The following MAP3K5 variants were observed in gnomAD, a reference collection of about 807,000 sequenced individuals.
The protein encoded by MAP3K5 is mitogen-activated protein kinase kinase kinase 5.
A neutral mutation model predicts 158.7 loss-of-function variants in MAP3K5; 56 were observed. The observed-to-expected ratio is 0.35, with a 90% CI of 0.28 to 0.44. The LOEUF is 0.44. MAP3K5 is among the 20% of genes least tolerant of loss of function. The pLI, the probability that MAP3K5 is intolerant of heterozygous loss-of-function variation, is 1.00. For synonymous variants in MAP3K5, 579 were observed against 601.7 expected, an observed-to-expected ratio of 0.96 and a Z score of 0.55; for missense variants, 1,294 against 1,674.8, an observed-to-expected ratio of 0.77 and a Z score of 3.97.
intron 1 of MAP3K5, among the ~76,000 whole-genome samples, chr6:136,736,759 T>C (rs1782478085): frequency 6.6e-6 from 1 of 152,016 alleles, no homozygotes. Context: ...GGTATGGTCA[T>C]AGCTCACTGG....
intron 1 of MAP3K5, among the ~76,000 whole-genome samples, chr6:136,741,678 T>TG (rs1172311593): frequency 6.6e-6 from 1 of 152,152 alleles, no homozygotes; most frequent in Admixed American, 6.5e-5. Flanking sequence ...AGTATACTGA[T>TG]GGAGACAAGA....
chr6:136,680,776 T>C (rs971210402), intron 7 of MAP3K5, among the ~76,000 whole-genome samples: 1 of 152,200 alleles, frequency 6.6e-6, no homozygotes, highest in Non-Finnish European at 1.5e-5. Flanking sequence ...TTTTCATATG[T>C]ACACTTACTC....
Position 136,698,565 on chromosome 6 carries a change from G to C in MAP3K5, c.730C>G (p.Leu244Val). ...LTELMQPNFE[L>V]LLGPICLPLV... is the part of the protein sequence containing the mutation. Reference sequence around the variant, plus strand: ...GGTAAGCAGATGGGTCCAAGAAGCAGCTCGAAGTTCGGTTGCATGAGCTCT... The same window carrying C: ...GGTAAGCAGATGGGTCCAAGAAGCACCTCGAAGTTCGGTTGCATGAGCTCT... The change falls in exon 4 of 30, where the codon CTG becomes GTG. Residue 244 changes from leucine to valine, a missense_variant. Transcript: ENST00000359015. 1 of 1,614,056 alleles carries C rather than the reference G, an allele frequency of 6.2e-7. No individual in the cohort carries two copies. Among genetic ancestry groups the C allele is most frequent in the Non-Finnish European group, 8.5e-7 (1 of 1,179,970 alleles).
At chr6:136,742,244 T>C (rs945141745) in intron 1 of MAP3K5, among the ~76,000 whole-genome samples, 1 of 152,042 alleles carries the variant, frequency 6.6e-6, no homozygotes, top group Non-Finnish European at 1.5e-5. Flanking sequence ...ACTCTAAAGC[T>C]CTATAACAAG....
At chr6:136,792,487 C>T, upstream of MAP3K5, 1 of 655,764 alleles carries the variant, frequency 1.5e-6, no homozygotes, top group Non-Finnish European at 1.9e-6. The surrounding 1 kb of genome is among the most constrained non-coding windows in gnomAD (Gnocchi z 5.7). Context: ...CGCAAACCTG[C>T]GCCGCGGTGC....
chr6:136,699,010 G>A (rs1780731281), intron 3 of MAP3K5, among the ~76,000 whole-genome samples: 1 of 152,060 alleles, frequency 6.6e-6, no homozygotes, highest in African/African-American at 2.4e-5. Flanking sequence ...AGCTTTCAGG[G>A]AACTTATAAT....
At chr6:136,647,986 T>C (rs1234405799) in intron 11 of MAP3K5, 1 of 152,146 alleles carries the variant, frequency 6.6e-6, no homozygotes, top group Non-Finnish European at 1.5e-5. Flanking sequence ...TTTCCTCGGG[T>C]GTAGCATGAT....
chr6:136,706,369 C>T (rs376751130), intron 2 of MAP3K5, among the ~76,000 whole-genome samples: 5 of 152,104 alleles, frequency 3.3e-5, no homozygotes, highest in African/African-American at 1.2e-4. Context: ...CAGTGCCTGA[C>T]ACATAAAAGC....
intron 1 of MAP3K5, among the ~76,000 whole-genome samples, chr6:136,760,614 G>A (rs1023202277): frequency 2.0e-5 from 3 of 152,326 alleles, no homozygotes; most frequent in African/African-American, 4.8e-5. Flanking sequence ...TACGAGGTGA[G>A]GGCTTTGGGA....
At chr6:136,699,513 C>T (rs1292107385) in intron 3 of MAP3K5, among the ~76,000 whole-genome samples, 1 of 152,210 alleles carries the variant, frequency 6.6e-6, no homozygotes, top group Admixed American at 6.5e-5. Context: ...AAGGGCCTGA[C>T]TACGCAGATC....
At chr6:136,786,162 G>C (rs1784835633) in intron 1 of MAP3K5, among the ~76,000 whole-genome samples, 1 of 152,034 alleles carries the variant, frequency 6.6e-6, no homozygotes, top group Non-Finnish European at 1.5e-5. Flanking sequence ...TCACTCCTGA[G>C]GTCAGGAGTT....
intron 21 of MAP3K5, 106 bp downstream of exon 21, chr6:136,600,916 C>T: frequency 8.5e-7 from 1 of 1,175,586 alleles, no homozygotes; most frequent in East Asian, 2.4e-5. Flanking sequence ...TCCTTTCCCC[C>T]CATGTAAGCC....
intron 1 of MAP3K5, among the ~76,000 whole-genome samples, chr6:136,772,093 A>G: frequency 1.7e-5 from 2 of 114,864 alleles, no homozygotes; most frequent in Admixed American, 8.4e-5. Flanking sequence ...ATTTTTTAGT[A>G]GAAATGGGGG....
chr6:136,656,460 C>A lies in MAP3K5; in HGVS notation c.1527G>T (p.Trp509Cys). The A allele has an allele frequency of 1.3e-6, 2 of 1,557,520 alleles. No individual in the cohort carries two copies. Among genetic ancestry groups the A allele is most frequent in the South Asian group, 1.2e-5 (1 of 82,956 alleles). ...TTGTCTCTACAATAGACTTGAGGTA[C>A]CTGAGAAGGAAAAGATATAAAACAT... is the stretch of plus-strand genomic sequence containing the variant. ...EKLFKLKTPA[W>C]YLKSIVETIL... Residue 509 changes from tryptophan (W) to cysteine (C), a missense_variant and splice_region_variant, in exon 10 of 30, where the codon TGG (tryptophan) becomes TGT (cysteine). Trp to Cys is a radical substitution (Grantham distance 215, BLOSUM62 -2). This residue lies in a region of MAP3K5 where 690 missense variants were observed against 870.5 expected (regional missense o/e 0.79). Transcript: ENST00000359015.
chr6:136,731,217 T>G (rs907105294), intron 1 of MAP3K5, among the ~76,000 whole-genome samples: 3 of 152,220 alleles, frequency 2.0e-5, no homozygotes, highest in Non-Finnish European at 1.5e-5. Context: ...CTGGCATGTT[T>G]GCCTTGTGAA....
intron 2 of MAP3K5, among the ~76,000 whole-genome samples, chr6:136,714,372 A>G (rs973109376): frequency 3.3e-5 from 5 of 152,192 alleles, no homozygotes; most frequent in Admixed American, 2.6e-4. Context: ...CTTCAAATGG[A>G]TATGAATGAG....
At position 136,639,527 on chromosome 6, in the gene MAP3K5, A is replaced by C. The variant is rs1422474993; in HGVS notation, c.1934+16T>G. The C allele has an allele frequency of 7.0e-7, 1 of 1,421,116 alleles. No homozygotes were observed. The highest frequency in any genetic ancestry group is 1.9e-5 in the Admixed American group (1 of 51,568). The allele number at this position is 1,421,116 out of a possible 1,614,324, so 88.0% of individuals were successfully genotyped here. The stretch of plus-strand genomic sequence containing the variant: ...GGTAAGAAGAATCTTTTTCACACAC[A>C]ATGACTAATACGTACTTTTTACAAT... On this transcript the variant is annotated intron_variant, in intron 13 of 29. Coordinates refer to ENST00000359015, the MANE Select transcript of MAP3K5 (RefSeq NM_005923.4).
intron 2 of MAP3K5, among the ~76,000 whole-genome samples, chr6:136,719,426 C>G (rs1781661572): frequency 1.3e-5 from 2 of 152,160 alleles, no homozygotes; most frequent in South Asian, 4.1e-4. Flanking sequence ...AGACTTAGGA[C>G]AAGTAGGGGC....
chr6:136,559,482 T>G (rs906446232), intron 28 of MAP3K5, among the ~76,000 whole-genome samples: 2 of 152,260 alleles, frequency 1.3e-5, no homozygotes, highest in African/African-American at 4.8e-5. Context: ...TGAGACTCAC[T>G]TGTAATCACT....
Sources: allele counts gnomAD v4.1 joint callset (sites outside exome capture counted in the v4.1 genomes callset), GRCh38; gene constraint gnomAD v4.1.1; regional missense constraint gnomAD v4.1.1; non-coding constraint Gnocchi (gnomAD v3.1); transcripts MANE v1.5; gene names NCBI Gene and HGNC (gene_info 2026-07-23, HGNC 2026-07-21).